Variants in SLC25A12 observed in about 807,000 individuals in gnomAD.
SLC25A12 encodes the protein electrogenic aspartate/glutamate antiporter SLC25A12, mitochondrial.
A neutral mutation model predicts 83.3 loss-of-function variants in SLC25A12; 32 were observed. The ratio of observed to expected loss-of-function variants is 0.38; its 90% CI spans 0.29 to 0.52. The LOEUF (loss-of-function observed/expected upper bound fraction) is 0.52, where lower values mean the gene tolerates loss of function less well. Ranked by LOEUF, SLC25A12 falls within the 20% of genes least tolerant of loss-of-function variation. SLC25A12 has a pLI of 0.84. For synonymous variants in SLC25A12, 267 were observed against 291.1 expected (o/e 0.92, Z 0.84); for missense variants, 611 against 835.6 (o/e 0.73, Z 3.31).
rs73028712 is a variant in SLC25A12, at chr2:171,788,250, G to A, written c.1586-303C>T. On this transcript the variant is annotated intron_variant, in intron 15 of 17. Coordinates refer to ENST00000422440, the MANE Select transcript of SLC25A12 (RefSeq NM_003705.5). ...AATATTAATAAGACAATTCCCAAGC[G>A]TTCCCTTTCAGTTTCAATTATTTTA... 987 of 253,218 alleles carry A rather than the reference G, an allele frequency of 3.9e-3. 15 individuals are homozygous for A. Among genetic ancestry groups the A allele is most frequent in the African/African-American group, 0.021 (918 of 44,358 alleles). 15.7% of individuals were successfully genotyped at this position (253,218 alleles called of 1,614,324 possible). A position where few individuals can be genotyped will look rare whatever the true frequency, so the allele number is the denominator to read the frequency against.
intron 2 of SLC25A12, among the ~76,000 whole-genome samples, chr2:171,874,988 G>A (rs1340585759): frequency 1.3e-5 from 2 of 152,196 alleles, no homozygotes; most frequent in Non-Finnish European, 1.5e-5. Context: ...ATGGGAAATT[G>A]GCTGTTCGCA....
intron 6 of SLC25A12, 79 bp downstream of exon 6, chr2:171,837,042 G>T (rs1333561882): frequency 2.9e-6 from 4 of 1,388,206 alleles, no homozygotes; most frequent in Non-Finnish European, 4.1e-6. Context: ...AGTCATATGA[G>T]TCCCTGGAGG....
At chr2:171,799,711 C>T (rs1683669972) in intron 13 of SLC25A12, among the ~76,000 whole-genome samples, 1 of 152,226 alleles carries the variant, frequency 6.6e-6, no homozygotes, top group African/African-American at 2.4e-5. Context: ...ATTCCCACAA[C>T]CATGCTCTCT....
intron 2 of SLC25A12, among the ~76,000 whole-genome samples, chr2:171,889,184 T>C (rs1685882098): frequency 6.6e-6 from 1 of 152,116 alleles, no homozygotes; most frequent in African/African-American, 2.4e-5. Context: ...CCTGCACAAA[T>C]TTGTATCTGT....
At chr2:171,882,249 A>AC (rs1685711384) in intron 2 of SLC25A12, among the ~76,000 whole-genome samples, 1 of 151,610 alleles carries the variant, frequency 6.6e-6, no homozygotes, top group Non-Finnish European at 1.5e-5. Context: ...GAACATACAC[A>AC]CCTCCCTCAC....
chr2:171,857,183 T>C (rs1055840610), intron 3 of SLC25A12, among the ~76,000 whole-genome samples: 2 of 151,306 alleles, frequency 1.3e-5, no homozygotes, highest in Admixed American at 6.6e-5. Context: ...CTGGGCAACA[T>C]AGGGAGACTC....
intron 1 of SLC25A12, 105 bp downstream of exon 1, chr2:171,894,098 C>A (rs557731681): frequency 3.3e-5 from 48 of 1,461,416 alleles, no homozygotes; most frequent in Non-Finnish European, 4.0e-5. Flanking sequence ...GACAAGCTAT[C>A]TAAGACCTAG....
chr2:171,851,663 T>C (rs888273847), intron 4 of SLC25A12, among the ~76,000 whole-genome samples: 83 of 151,782 alleles, frequency 5.5e-4, no homozygotes, highest in African/African-American at 2.0e-3. Flanking sequence ...GCCTCCCGAG[T>C]AGCTGGGACT....
In SLC25A12 at chr2:171,784,445, C is replaced by G. The variant is rs1690450875; in HGVS notation, c.*829G>C. The G allele has an allele frequency of 6.6e-6, 1 of 152,246 alleles. No individual in the cohort carries two copies. Among genetic ancestry groups the G allele is most frequent in the African/African-American group, 2.4e-5 (1 of 41,464 alleles). 9.4% of individuals were successfully genotyped at this position (152,246 alleles called of 1,614,324 possible). On this transcript the variant is annotated 3_prime_UTR_variant, in exon 18 of 18. Coordinates refer to ENST00000422440, the MANE Select transcript of SLC25A12 (RefSeq NM_003705.5). Reference sequence around the variant, plus strand: ...GGAAATTGTGAAAGTATCCTTTACTCTTTTGAAAGCTTGGCCTTTGCCTTA... The same window carrying G: ...GGAAATTGTGAAAGTATCCTTTACTGTTTTGAAAGCTTGGCCTTTGCCTTA...
At chr2:171,822,238 T>C (rs1684207853) in intron 9 of SLC25A12, among the ~76,000 whole-genome samples, 1 of 152,220 alleles carries the variant, frequency 6.6e-6, no homozygotes, top group African/African-American at 2.4e-5. Flanking sequence ...TTTGCTTATA[T>C]GGGCTTCTCA....
At chr2:171,888,026 A>G (rs975355375) in intron 2 of SLC25A12, among the ~76,000 whole-genome samples, 2 of 152,034 alleles carry the variant, frequency 1.3e-5, no homozygotes, top group Admixed American at 1.3e-4. Context: ...CTCCCACACC[A>G]ATTCTCATAC....
intron 5 of SLC25A12, among the ~76,000 whole-genome samples, chr2:171,843,795 CTTTTTT>C (rs71013078): frequency 1.7e-5 from 2 of 117,300 alleles, no homozygotes; most frequent in East Asian, 5.4e-4. Context: ...AAAGAACTAG[CTTTTTT>C]TTTTTTTTTT....
chr2:171,846,314 T>C (rs1330750866), intron 4 of SLC25A12, among the ~76,000 whole-genome samples: 2 of 152,096 alleles, frequency 1.3e-5, no homozygotes, highest in Non-Finnish European at 2.9e-5. Flanking sequence ...GGTAACCTTT[T>C]AAAGGTTATT....
chr2:171,834,975 G>C, intron 6 of SLC25A12, 110 bp from the exon 7 acceptor site: 5 of 1,126,730 alleles, frequency 4.4e-6, no homozygotes, highest in Non-Finnish European at 5.2e-6. Context: ...CTGTTAAAAT[G>C]ATGTTAACAA....
In SLC25A12 at chr2:171,846,336, A is replaced by G. The variant is rs570665400; in HGVS notation, c.326-1828T>C. On this transcript the variant is annotated intron_variant, in intron 4 of 17. Transcript: ENST00000422440. ...TTTTAAAGGTTATTTCAAGAGTTAA[A>G]ATATAATTATTTGATAATAAATGTA... Among the ~76,000 whole-genome samples, 12 of 152,226 alleles carry G rather than the reference A, an allele frequency of 7.9e-5. No homozygotes were observed. In the South Asian group the frequency reaches 2.5e-3, roughly 32 times the overall value.
intron 1 of SLC25A12, among the ~76,000 whole-genome samples, chr2:171,893,555 ACAGTAGTAAC>A (rs2105938225): frequency 6.6e-6 from 1 of 152,336 alleles, no homozygotes; most frequent in South Asian, 2.1e-4. Context: ...TACTAGCAAC[ACAGTAGTAAC>A]CACCCACCTT....
chr2:171,825,135 TAA>T (rs1261995795), intron 9 of SLC25A12, among the ~76,000 whole-genome samples: 2 of 152,170 alleles, frequency 1.3e-5, no homozygotes, highest in Non-Finnish European at 2.9e-5. Context: ...TGGCAGCAGA[TAA>T]AAGAGTTTTT....
intron 3 of SLC25A12, among the ~76,000 whole-genome samples, chr2:171,868,245 T>C (rs1292711614): frequency 3.3e-5 from 5 of 151,760 alleles, no homozygotes; most frequent in Non-Finnish European, 7.4e-5. Context: ...AACTTGGTAA[T>C]TACTAATTAC....
chr2:171,846,447 T>C (rs1373727835), intron 4 of SLC25A12, among the ~76,000 whole-genome samples: 5 of 152,066 alleles, frequency 3.3e-5, no homozygotes, highest in Non-Finnish European at 7.4e-5. Context: ...GAATCTCAAA[T>C]ATGAAACTAT....
Sources: gnomAD v4.1 joint callset for allele counts (sites outside exome capture counted in the v4.1 genomes callset) on GRCh38, gnomAD v4.1.1 for gene constraint, MANE v1.5 for transcripts, NCBI Gene and HGNC (gene_info 2026-07-23, HGNC 2026-07-21) for gene names.